Variants in RYR2 observed in about 807,000 individuals in gnomAD.
The protein encoded by RYR2 is cardiac muscle ryanodine receptor-calcium release channel.
A neutral mutation model predicts 601.1 loss-of-function variants in RYR2; 227 were observed. That is an observed-to-expected ratio of 0.38 (90% confidence interval 0.34 to 0.42). The LOEUF is 0.42. RYR2 is among the 10% of genes least tolerant of loss of function. The pLI is 1.00. For synonymous variants in RYR2, 2,223 were observed against 2,175.1 expected (o/e 1.02, Z -0.61); for missense variants, 4,646 against 6,156.5 (o/e 0.75, Z 8.21).
At chr1:237,776,118 T>C (rs1694639609) in intron 87 of RYR2, among the ~76,000 whole-genome samples, 1 of 152,154 alleles carries the variant, frequency 6.6e-6, no homozygotes, top group African/African-American at 2.4e-5. Context: ...TTTATTTTCC[T>C]AAAAATGGCT....
chr1:237,538,706 GGT>G (rs1226039007), intron 25 of RYR2, among the ~76,000 whole-genome samples: 1 of 150,540 alleles, frequency 6.6e-6, no homozygotes, highest in Non-Finnish European at 1.5e-5. Context: ...GAGAGGCGGA[GGT>G]TGCTGTGAGC....
At chr1:237,309,305 A>G (rs1472417026) in intron 2 of RYR2, among the ~76,000 whole-genome samples, 3 of 151,664 alleles carry the variant, frequency 2.0e-5, no homozygotes, top group African/African-American at 4.9e-5. Context: ...AGTCCCCACT[A>G]GATTAGCTAG....
chr1:237,151,437 G>A (rs554350564), intron 1 of RYR2, among the ~76,000 whole-genome samples: 1 of 152,262 alleles, frequency 6.6e-6, no homozygotes, highest in South Asian at 2.1e-4. Flanking sequence ...AATGGTTGCT[G>A]ATGTTATTTA....
intron 42 of RYR2, among the ~76,000 whole-genome samples, chr1:237,633,022 T>C (rs979936494): frequency 1.3e-5 from 2 of 152,106 alleles, no homozygotes; most frequent in Non-Finnish European, 2.9e-5. Flanking sequence ...GGGTCAAACA[T>C]GCAGGCCTTC....
Position 237,654,266 on chromosome 1 carries a change from C to T in RYR2, c.7825-8C>T. ...GCTCATTGCTTTTATAATTGTTTTCCCACATAGCTGCTGACAAATCATTAT... is the reference window on the plus strand; with the variant it reads ...GCTCATTGCTTTTATAATTGTTTTCTCACATAGCTGCTGACAAATCATTAT... On this transcript the variant is annotated splice_region_variant and splice_polypyrimidine_tract_variant and intron_variant, in intron 51 of 104. Transcript: ENST00000366574. 6.2e-7 allele frequency: 1 copy of T among 1,611,972 alleles called. No homozygotes were observed. The highest frequency in any genetic ancestry group is 8.5e-7 in the Non-Finnish European group (1 of 1,179,110).
At chr1:237,785,359 G>T (rs887745368) in intron 90 of RYR2, among the ~76,000 whole-genome samples, 1 of 152,098 alleles carries the variant, frequency 6.6e-6, no homozygotes, top group African/African-American at 2.4e-5. Context: ...TGTTTTCATT[G>T]TATGTTCTTT....
chr1:237,603,986 C>A (rs1197560106), intron 35 of RYR2, among the ~76,000 whole-genome samples: 1 of 152,144 alleles, frequency 6.6e-6, no homozygotes, highest in African/African-American at 2.4e-5. Context: ...GACTTTAACA[C>A]CCCACTGTCA....
chr1:237,395,540 T>C (rs1479625821), intron 10 of RYR2, among the ~76,000 whole-genome samples: 1 of 13,550 alleles, frequency 7.4e-5, no homozygotes, highest in Admixed American at 1.0e-3. Context: ...TGTCTTTTTT[T>C]TTTTTTTTTT....
intron 3 of RYR2, among the ~76,000 whole-genome samples, chr1:237,350,118 CA>C (rs1698631744): frequency 6.6e-6 from 1 of 152,032 alleles, no homozygotes; most frequent in African/African-American, 2.4e-5. Flanking sequence ...CTAAATACTT[CA>C]ATCAAAATTC....
At chr1:237,633,758 A>G (rs752854290) in intron 43 of RYR2, 48 bp downstream of exon 43, 1 of 1,526,528 alleles carries the variant, frequency 6.6e-7, no homozygotes, top group Non-Finnish European at 8.9e-7. Flanking sequence ...ATAATATAAT[A>G]TTACATTTAA....
At chr1:237,400,036 T>TCACA (rs1238366499) in intron 10 of RYR2, among the ~76,000 whole-genome samples, 1 of 106,984 alleles carries the variant, frequency 9.3e-6, no homozygotes, top group Non-Finnish European at 2.0e-5. Flanking sequence ...GGTTTAGAAC[T>TCACA]TACACACACA....
intron 10 of RYR2, among the ~76,000 whole-genome samples, chr1:237,412,510 TTGTC>T (rs1193073220): frequency 6.6e-6 from 1 of 152,184 alleles, no homozygotes; most frequent in African/African-American, 2.4e-5. Flanking sequence ...GACTTTGACT[TTGTC>T]TGGTTTATGA....
chr1:237,098,133 GA>G (rs1324203915), intron 1 of RYR2, among the ~76,000 whole-genome samples: 2 of 152,148 alleles, frequency 1.3e-5, no homozygotes, highest in African/African-American at 4.8e-5. Flanking sequence ...TTAAGACCTT[GA>G]AAATGAAGAG....
At chr1:237,112,312 C>T (rs916882242) in intron 1 of RYR2, among the ~76,000 whole-genome samples, 2 of 152,134 alleles carry the variant, frequency 1.3e-5, no homozygotes, top group Non-Finnish European at 2.9e-5. Flanking sequence ...TGGGGTTTCA[C>T]CATGTTGGTC....
chr1:237,777,801 A>G (rs1049158914), intron 87 of RYR2, among the ~76,000 whole-genome samples: 3 of 152,234 alleles, frequency 2.0e-5, no homozygotes, highest in Admixed American at 2.0e-4. Flanking sequence ...TTATGAATGG[A>G]GCAATACCAG....
At chr1:237,824,207 C>T (rs1259126173) in intron 101 of RYR2, among the ~76,000 whole-genome samples, 4 of 151,946 alleles carry the variant, frequency 2.6e-5, no homozygotes, top group African/African-American at 4.8e-5. Context: ...TACCAAAACC[C>T]GGCAGAGACA....
intron 1 of RYR2, among the ~76,000 whole-genome samples, chr1:237,148,537 T>TATATATATATACACACATATATAC (rs1674314077): frequency 7.8e-6 from 1 of 128,612 alleles, no homozygotes; most frequent in African/African-American, 3.2e-5. Flanking sequence ...AATATATATA[T>TATATATATATACACACATATATAC]ATATATATAT....
At chr1:237,442,170 T>G (rs1707967766) in intron 13 of RYR2, among the ~76,000 whole-genome samples, 1 of 152,184 alleles carries the variant, frequency 6.6e-6, no homozygotes, top group African/African-American at 2.4e-5. Context: ...GTGAGCTGGG[T>G]TAGCATTCTC....
intron 16 of RYR2, among the ~76,000 whole-genome samples, chr1:237,467,265 TA>T (rs1660188207): frequency 1.3e-5 from 2 of 149,174 alleles, no homozygotes; most frequent in Non-Finnish European, 3.0e-5. Flanking sequence ...ATATTATATA[TA>T]AAATTAGTTT....
Sources: gnomAD v4.1 joint callset for allele counts (sites outside exome capture counted in the v4.1 genomes callset) on GRCh38, gnomAD v4.1.1 for gene constraint, MANE v1.5 for transcripts, NCBI Gene and HGNC (gene_info 2026-07-23, HGNC 2026-07-21) for gene names.